COX7B2: variants seen among roughly 807,000 people sequenced by gnomAD.
COX7B2 encodes cytochrome c oxidase subunit 7B2.
For synonymous variants in COX7B2, 37 were observed against 32.1 expected (o/e 1.15, Z -0.51); for missense variants, 109 against 95.9 (o/e 1.14, Z -0.57).
At chr4:46,812,889 C>T (rs182804064) in intron 2 of COX7B2, among the ~76,000 whole-genome samples, 159 of 152,276 alleles carry the variant, frequency 1.0e-3, no homozygotes, top group African/African-American at 3.6e-3. Context: ...TTCATTGGGC[C>T]AGGGGCTCAT....
At chr4:46,834,478 G>A (rs1385904521) in intron 2 of COX7B2, among the ~76,000 whole-genome samples, 4 of 152,040 alleles carry the variant, frequency 2.6e-5, no homozygotes, top group Non-Finnish European at 4.4e-5. Flanking sequence ...TGGAAATTGT[G>A]TATAGGATAA....
chr4:46,757,670 C>A (rs1307184285), intron 2 of COX7B2, among the ~76,000 whole-genome samples: 1 of 152,018 alleles, frequency 6.6e-6, no homozygotes, highest in Non-Finnish European at 1.5e-5. Flanking sequence ...TGTCACTCTG[C>A]CCCTAGAATA....
intron 2 of COX7B2, among the ~76,000 whole-genome samples, chr4:46,827,807 T>C (rs958442635): frequency 1.3e-5 from 2 of 152,170 alleles, no homozygotes; most frequent in Non-Finnish European, 2.9e-5. Flanking sequence ...CAAAACATTT[T>C]GCTTAGTGAA....
In COX7B2 at chr4:46,872,810, T is replaced by C. The variant is rs1718078786; in HGVS notation, c.-104-27796A>G. 2.0e-5 allele frequency among the ~76,000 whole-genome samples: 3 copies of C among 152,126 alleles called. No individual in the cohort carries two copies. The South Asian group carries it at 6.2e-4, about 31-fold the overall frequency. ...GGGGATAATTATGCTAACTTCTTCA[T>C]AGGGTTTTGGTGTTAATTTTTTTTT... On this transcript the variant is annotated intron_variant, in intron 1 of 2. Transcript: ENST00000355591.
intron 1 of COX7B2, among the ~76,000 whole-genome samples, chr4:46,907,847 A>ACTTTTTTTTTT (rs1720492846): frequency 1.5e-5 from 1 of 67,238 alleles, no homozygotes; most frequent in Non-Finnish European, 3.2e-5. Flanking sequence ...ATTTGAGCAG[A>ACTTTTTTTTTT]CTTTTTTTTT....
intron 2 of COX7B2, among the ~76,000 whole-genome samples, chr4:46,784,485 CATG>C (rs1232337284): frequency 6.6e-6 from 1 of 152,030 alleles, no homozygotes; most frequent in East Asian, 1.9e-4. Flanking sequence ...ATTAGCTAGA[CATG>C]GTGGCGCATG....
chr4:46,799,584 A>G (rs1399200801), intron 2 of COX7B2, among the ~76,000 whole-genome samples: 1 of 152,170 alleles, frequency 6.6e-6, no homozygotes, highest in African/African-American at 2.4e-5. Flanking sequence ...GTACTTTATC[A>G]AAAGCCTCTT....
intron 2 of COX7B2, among the ~76,000 whole-genome samples, chr4:46,787,868 A>AT (rs772322625): frequency 6.6e-6 from 1 of 151,982 alleles, no homozygotes; most frequent in Non-Finnish European, 1.5e-5. Flanking sequence ...AGAGGCTTTT[A>AT]TTTATCTAAT....
intron 2 of COX7B2, among the ~76,000 whole-genome samples, chr4:46,828,993 T>C (rs1054312902): frequency 2.6e-5 from 4 of 152,184 alleles, no homozygotes; most frequent in Non-Finnish European, 5.9e-5. Context: ...CAGCCTTATA[T>C]GTGAACTATT....
chr4:46,824,654 T>TA (rs34090448), intron 2 of COX7B2, among the ~76,000 whole-genome samples: 51,523 of 130,122 alleles, frequency 0.4, 9,479 homozygotes, highest in South Asian at 0.48. Context: ...ACTGTTTGTG[T>TA]AAAAAAAAAA....
intron 2 of COX7B2, among the ~76,000 whole-genome samples, chr4:46,753,102 A>G (rs1173648107): frequency 2.0e-5 from 3 of 152,096 alleles, no homozygotes; most frequent in African/African-American, 7.2e-5. Flanking sequence ...AGAGCCTGTT[A>G]TCGGTCTATT....
At chr4:46,794,169 C>T (rs1000772986) in intron 2 of COX7B2, among the ~76,000 whole-genome samples, 1 of 152,112 alleles carries the variant, frequency 6.6e-6, no homozygotes, top group African/African-American at 2.4e-5. Flanking sequence ...AATTTATACA[C>T]AGAGAAAATG....
intron 2 of COX7B2, among the ~76,000 whole-genome samples, chr4:46,843,764 A>G (rs574898530): frequency 6.6e-6 from 1 of 152,182 alleles, no homozygotes; most frequent in East Asian, 1.9e-4. Context: ...AATTAGGGAA[A>G]ATAATTGCAA....
intron 2 of COX7B2, among the ~76,000 whole-genome samples, chr4:46,737,900 G>A (rs779345897): frequency 1.3e-5 from 2 of 152,046 alleles, no homozygotes; most frequent in African/African-American, 2.4e-5. Context: ...CCTACCATAT[G>A]GTAAGTGGTA....
At chr4:46,868,676 G>A (rs1717815201) in intron 1 of COX7B2, among the ~76,000 whole-genome samples, 2 of 152,144 alleles carry the variant, frequency 1.3e-5, no homozygotes, top group Admixed American at 1.3e-4. Context: ...TAATTGCATG[G>A]TTTTAAGCAA....
chr4:46,735,262 T>G (rs1050981061), intron 2 of COX7B2, 21 bp from the exon 3 acceptor site: 2 of 1,526,986 alleles, frequency 1.3e-6, no homozygotes, highest in Non-Finnish European at 1.8e-6. Context: ...AGAAAAGATA[T>G]GCATTGATGT....
intron 2 of COX7B2, among the ~76,000 whole-genome samples, chr4:46,763,759 A>C (rs555733584): frequency 5.1e-4 from 77 of 152,326 alleles, no homozygotes; most frequent in African/African-American, 1.7e-3. Flanking sequence ...AGAGAATTTG[A>C]GAATCACACT....
intron 2 of COX7B2, among the ~76,000 whole-genome samples, chr4:46,745,770 A>T (rs997145074): frequency 6.6e-6 from 1 of 152,236 alleles, no homozygotes; most frequent in African/African-American, 2.4e-5. Flanking sequence ...GAAGAAAGCA[A>T]GCCTGAAAGA....
chr4:46,788,521 G>C (rs1717870226), intron 2 of COX7B2, among the ~76,000 whole-genome samples: 1 of 152,068 alleles, frequency 6.6e-6, no homozygotes. Context: ...AAAATAAGAA[G>C]TTATAAATGT....
Sources: allele counts gnomAD v4.1 joint callset (sites outside exome capture counted in the v4.1 genomes callset), GRCh38; gene constraint gnomAD v4.1.1; transcripts MANE v1.5; gene names NCBI Gene and HGNC (gene_info 2026-07-23, HGNC 2026-07-21).